The following CAMTA2 variants were observed in gnomAD, a reference collection of about 807,000 sequenced individuals.
CAMTA2 encodes the protein calmodulin binding transcription activator 2.
A neutral mutation model predicts 135.7 loss-of-function variants in CAMTA2; 56 were observed. The observed-to-expected ratio is 0.41, with a 90% CI of 0.33 to 0.52. The LOEUF (loss-of-function observed/expected upper bound fraction) is 0.52, where lower values mean the gene tolerates loss of function less well. CAMTA2 is among the 20% of genes least tolerant of loss of function. The pLI is 0.16. For synonymous variants in CAMTA2, 591 were observed against 604.6 expected, an observed-to-expected ratio of 0.98 and a Z score of 0.33; for missense variants, 1,358 against 1,553.4, an observed-to-expected ratio of 0.87 and a Z score of 2.11.
chr17:4,975,348 G>A (rs540687619), intron 11 of CAMTA2, among the ~76,000 whole-genome samples: 1 of 151,966 alleles, frequency 6.6e-6, no homozygotes, highest in Non-Finnish European at 1.5e-5. Flanking sequence ...AAGTGAAGGA[G>A]AGGAGAGAAA....
intron 9 of CAMTA2, 57 bp downstream of exon 9, chr17:4,979,627 T>G: frequency 7.9e-7 from 1 of 1,262,534 alleles, no homozygotes; most frequent in Non-Finnish European, 1.1e-6. Flanking sequence ...ACAATTTGTT[T>G]TGGGGAGTCA....
Position 4,978,650 on chromosome 17 carries a change from A to C in CAMTA2, c.1639-20T>G, listed in dbSNP as rs1567692853. ...CCCACCCTGCAGACAGAAGTCAGAG[A>C]CCATGTGACTGGAGTTGGGCGTTCA... is the stretch of plus-strand genomic sequence containing the variant. On this transcript the variant is annotated intron_variant, in intron 9 of 22. Coordinates refer to ENST00000348066, the MANE Select transcript of CAMTA2 (RefSeq NM_015099.4). The C allele has an allele frequency of 4.4e-6, 7 of 1,609,110 alleles. No individual in the cohort carries two copies. The highest frequency in any genetic ancestry group is 5.9e-6 in the Non-Finnish European group (7 of 1,176,620).
intron 13 of CAMTA2, 103 bp from the exon 14 acceptor site, chr17:4,973,356 G>A (rs528516343): frequency 2.3e-5 from 22 of 976,546 alleles, no homozygotes; most frequent in African/African-American, 1.6e-4. Flanking sequence ...GTACAGGGCC[G>A]GTGGGAAGAG....
At chr17:4,972,206 C>A (rs1316308289) in intron 16 of CAMTA2, 26 bp downstream of exon 16, 3 of 1,594,840 alleles carry the variant, frequency 1.9e-6, no homozygotes, top group South Asian at 1.1e-5. Flanking sequence ...TTCTAGCCCC[C>A]ATAACTCCAT....
chr17:4,979,553 A>G (rs1972831906), intron 9 of CAMTA2, 131 bp downstream of exon 9: 1 of 587,806 alleles, frequency 1.7e-6, no homozygotes, highest in Non-Finnish European at 3.0e-6. Context: ...TAGAGGACTA[A>G]GAAGCCTAAG....
chr17:4,979,847 G>C lies in CAMTA2; in HGVS notation c.1475C>G (p.Pro492Arg). The part of the protein sequence containing the change: ...VGRGEALFGG[P>R]VGASELEPFS... ...GGGCTCCAGTTCACTGGCCCCAACA[G>C]GTCCTCCAAACAAGGCCTCTCCTCT... The change falls in exon 9 of 23, where the codon CCT becomes CGT. Residue 492 changes from proline (P) to arginine (R), a missense_variant. By Grantham distance (103) the Pro-to-Arg change is moderately radical. Around this residue, in one of 4 missense-constraint regions of CAMTA2, gnomAD observed 1,077 missense variants for 1,127.5 expected, o/e 0.96. Transcript: ENST00000348066. The C allele has an allele frequency of 1.2e-6, 2 of 1,613,876 alleles. No homozygotes were observed. Among genetic ancestry groups the C allele is most frequent in the East Asian group, 2.2e-5 (1 of 44,838 alleles).
In CAMTA2 at chr17:4,982,900, G is replaced by A. The variant is rs1188386487; in HGVS notation, c.204-8C>T. On this transcript the variant is annotated splice_region_variant and splice_polypyrimidine_tract_variant and intron_variant, in intron 4 of 22. Coordinates refer to ENST00000348066, the MANE Select transcript of CAMTA2 (RefSeq NM_015099.4). Reference sequence around the variant, plus strand: ...ATGGAGCCATTCTGAGGCCTGGGAAGGGAAGGGTTGCCCTGGAGTTCTGTG... The same window carrying A: ...ATGGAGCCATTCTGAGGCCTGGGAAAGGAAGGGTTGCCCTGGAGTTCTGTG... The A allele has an allele frequency of 6.2e-7, 1 of 1,614,208 alleles. No individual in the cohort carries two copies. Among genetic ancestry groups the A allele is most frequent in the Non-Finnish European group, 8.5e-7 (1 of 1,180,040 alleles).
Position 4,985,899 on chromosome 17 carries a change from A to G in CAMTA2, c.116T>C (p.Leu39Pro). 6.2e-7 allele frequency: 1 copy of G among 1,612,638 alleles called. No homozygotes were observed. The highest frequency in any genetic ancestry group is 8.5e-7 in the Non-Finnish European group (1 of 1,178,662). The stretch of plus-strand genomic sequence containing the variant: ...GAAAACCTCATTTGTATTCCACCGT[A>G]GCCTCTCTGGAGGCAGCAGCGGGCA... ...PRCPLLPPER[L>P]RWNTNEEIAS... is the part of the protein sequence containing the mutation. The change falls in exon 3 of 23, where the codon CTA becomes CCA. Residue 39 changes from leucine to proline, a missense_variant. Leu to Pro is a moderately conservative substitution (Grantham distance 98). This residue lies in a region of CAMTA2 where 105 missense variants were observed against 190.9 expected (regional missense o/e 0.55). Coordinates refer to ENST00000348066, the MANE Select transcript of CAMTA2 (RefSeq NM_015099.4).
chr17:4,975,351 G>C (rs1359327785), intron 11 of CAMTA2, among the ~76,000 whole-genome samples: 1 of 151,952 alleles, frequency 6.6e-6, no homozygotes, highest in African/African-American at 2.4e-5. Context: ...TGAAGGAGAG[G>C]AGAGAAAGGA....
Position 4,972,818 on chromosome 17 carries a change from C to T in CAMTA2, c.2454G>A (p.Ser818=), listed in dbSNP as rs759210098. 1.3e-5 allele frequency: 21 copies of T among 1,613,968 alleles called. No homozygotes were observed. Among genetic ancestry groups the T allele is most frequent in the Middle Eastern group, 1.6e-4 (1 of 6,062 alleles). Reference sequence around the variant, plus strand: ...GCGATAGGGCAAATGGGGGCTCCACCGAAGGCTCCTGTCTCTGTAGTTCCT... The same window carrying T: ...GCGATAGGGCAAATGGGGGCTCCACTGAAGGCTCCTGTCTCTGTAGTTCCT... ...CLEELQRQEP[S]VEPPFALSPP... is the part of the protein sequence containing the mutation. Residue 818 remains serine, a synonymous_variant, in exon 15 of 23, where the codon TCG becomes TCA. Coordinates refer to ENST00000348066, the MANE Select transcript of CAMTA2 (RefSeq NM_015099.4).
Position 4,981,355 on chromosome 17 carries a change from A to G in CAMTA2, c.570T>C (p.His190=). Residue 190 remains histidine, a synonymous_variant, in exon 8 of 23, where the codon CAT becomes CAC. Coordinates refer to ENST00000348066, the MANE Select transcript of CAMTA2 (RefSeq NM_015099.4). ...ELLGQLKPMF[H]GIKWSCGNGT... ...CATTCCCGCAGCTCCACTTGATGCCATGAACTAGAGAAGTTAGGGGGAAGT... is the reference window on the plus strand; with the variant it reads ...CATTCCCGCAGCTCCACTTGATGCCGTGAACTAGAGAAGTTAGGGGGAAGT... 1.2e-6 allele frequency: 2 copies of G among 1,614,056 alleles called. No individual in the cohort carries two copies. Among genetic ancestry groups the G allele is most frequent in the Non-Finnish European group, 1.7e-6 (2 of 1,179,926 alleles).
intron 1 of CAMTA2, 151 bp downstream of exon 1, chr17:4,987,442 C>T: frequency 7.2e-7 from 1 of 1,383,836 alleles, no homozygotes; most frequent in Non-Finnish European, 9.3e-7. Context: ...GCGGCGCCCC[C>T]TGGCGCGGGG....
intron 11 of CAMTA2, among the ~76,000 whole-genome samples, chr17:4,976,487 G>A (rs898278064): frequency 6.6e-6 from 1 of 151,962 alleles, no homozygotes; most frequent in African/African-American, 2.4e-5. Context: ...ATTGCTTGAG[G>A]TCAGGAGTTT....
Position 4,972,442 on chromosome 17 carries a change from A to T in CAMTA2, c.2598T>A (p.Pro866=), listed in dbSNP as rs1187958791. 1.9e-6 allele frequency: 3 copies of T among 1,611,526 alleles called. No homozygotes were observed. Among genetic ancestry groups the T allele is most frequent in the Non-Finnish European group, 2.5e-6 (3 of 1,178,342 alleles). ...TCATCTCAGAGGCTGGCAGAGGTGC[A>T]GGGGGGGGACTGCCATCTGGGGCAC... ...YSSAPDGSPP[P]APLPASEMTM... is the part of the protein sequence containing the mutation. Residue 866 remains proline (P), a synonymous_variant, in exon 16 of 23, where the codon CCT becomes CCA. Coordinates refer to ENST00000348066, the MANE Select transcript of CAMTA2 (RefSeq NM_015099.4).
At chr17:4,979,508 C>CAAAAAA (rs5819002) in intron 9 of CAMTA2, 176 bp downstream of exon 9, 11 of 206,090 alleles carry the variant, frequency 5.3e-5, no homozygotes, top group South Asian at 1.8e-4. Flanking sequence ...GAAACTGTCT[C>CAAAAAA]AAAAAAAAAA....
At chr17:4,985,828 C>T (rs890813533) in intron 3 of CAMTA2, 52 bp downstream of exon 3, 2 of 1,177,328 alleles carry the variant, frequency 1.7e-6, no homozygotes, top group African/African-American at 3.0e-5. Context: ...ACTCACCCTC[C>T]TCCAGCCTAC....
intron 11 of CAMTA2, 92 bp from the exon 12 acceptor site, chr17:4,974,592 G>A: frequency 1.3e-6 from 1 of 764,886 alleles, no homozygotes; most frequent in Admixed American, 1.9e-5. Context: ...TGGGGATGAG[G>A]ACACAGAACC....
intron 8 of CAMTA2, 85 bp downstream of exon 8, chr17:4,981,140 C>T (rs1293934307): frequency 8.1e-6 from 12 of 1,486,062 alleles, no homozygotes; most frequent in Non-Finnish European, 1.0e-5. Context: ...GCATGCAAAT[C>T]CCATCAAGAT....
intron 12 of CAMTA2, 22 bp downstream of exon 12, chr17:4,974,363 A>AC: frequency 6.7e-7 from 1 of 1,485,830 alleles, no homozygotes. Context: ...ACCGTAGACC[A>AC]CCTCCCTCCT....
Sources: gnomAD v4.1 joint callset for allele counts (sites outside exome capture counted in the v4.1 genomes callset) on GRCh38, gnomAD v4.1.1 for gene constraint, gnomAD v4.1.1 regional missense constraint, MANE v1.5 for transcripts, NCBI Gene and HGNC (gene_info 2026-07-23, HGNC 2026-07-21) for gene names.